The following KLF12 variants were observed in gnomAD, a reference collection of about 807,000 sequenced individuals.
KLF12 encodes the protein KLF transcription factor 12.
Under a neutral mutation model 37.8 loss-of-function variants are expected in KLF12, and 9 were observed. The ratio of observed to expected loss-of-function variants is 0.24; its 90% CI spans 0.14 to 0.42. The LOEUF (loss-of-function observed/expected upper bound fraction) is 0.42. KLF12 is among the 10% of genes least tolerant of loss of function. The pLI, the probability that KLF12 is intolerant of heterozygous loss-of-function variation, is 1.00. For missense variants in KLF12, 411 were observed against 516.0 expected, an observed-to-expected ratio of 0.80 and a Z score of 1.97; for synonymous variants, 208 against 202.1, an observed-to-expected ratio of 1.03 and a Z score of -0.25.
At chr13:74,170,221 A>C in the KLF12 span, among the ~76,000 whole-genome samples, 4 of 152,368 alleles carry the variant, frequency 2.6e-5, no homozygotes, top group East Asian at 7.7e-4. Flanking sequence ...TATTATAAAA[A>C]TGGTTTTCAT....
chr13:74,201,640 C>T, the KLF12 span, among the ~76,000 whole-genome samples: 1 of 152,124 alleles, frequency 6.6e-6, no homozygotes, highest in African/African-American at 2.4e-5. Flanking sequence ...ACCTGCCTCT[C>T]ATTCTACTCT....
chr13:73,964,606 TAAAA>T (rs71115627), intron 2 of KLF12, among the ~76,000 whole-genome samples: 1 of 137,384 alleles, frequency 7.3e-6, no homozygotes. Flanking sequence ...CGTCTCTACT[TAAAA>T]AAAAAAAAAA....
At chr13:74,246,900 A>G in the KLF12 span, among the ~76,000 whole-genome samples, 1 of 152,218 alleles carries the variant, frequency 6.6e-6, no homozygotes, top group Non-Finnish European at 1.5e-5. Flanking sequence ...GGAGTTAATT[A>G]CTTATGGTGA....
intron 1 of KLF12, among the ~76,000 whole-genome samples, chr13:74,071,432 A>G (rs1040012291): frequency 3.9e-5 from 6 of 152,154 alleles, no homozygotes; most frequent in African/African-American, 1.4e-4. Flanking sequence ...TCCACCTGTC[A>G]TCCCAGCACT....
chr13:74,138,071 A>T (rs1016358319), upstream of KLF12, among the ~76,000 whole-genome samples: 3 of 152,230 alleles, frequency 2.0e-5, no homozygotes, highest in Non-Finnish European at 2.9e-5. Flanking sequence ...AATCTTTTAC[A>T]GTATTAAGAG....
At chr13:74,153,870 G>T in the KLF12 span, among the ~76,000 whole-genome samples, 1 of 152,068 alleles carries the variant, frequency 6.6e-6, no homozygotes, top group East Asian at 1.9e-4. Context: ...TTACTTTCAA[G>T]TTTAAGTGAA....
the KLF12 span, among the ~76,000 whole-genome samples, chr13:74,296,749 G>A: frequency 1.3e-5 from 2 of 152,124 alleles, no homozygotes; most frequent in Admixed American, 6.5e-5. Context: ...AATCACATAA[G>A]AGAGCTTATT....
the KLF12 span, among the ~76,000 whole-genome samples, chr13:74,151,282 A>AT: frequency 6.6e-6 from 1 of 152,194 alleles, no homozygotes; most frequent in African/African-American, 2.4e-5. Context: ...TTAAAACTAT[A>AT]ATTACAACTA....
chr13:74,278,052 T>A, the KLF12 span, among the ~76,000 whole-genome samples: 1 of 152,178 alleles, frequency 6.6e-6, no homozygotes, highest in Admixed American at 6.5e-5. Context: ...TGGGTGGTGC[T>A]GTTCTCTGGT....
the KLF12 span, among the ~76,000 whole-genome samples, chr13:74,289,665 A>G: frequency 6.6e-6 from 1 of 152,212 alleles, no homozygotes; most frequent in Admixed American, 6.5e-5. Flanking sequence ...CCAAACAGGA[A>G]ATGACCAAGG....
intron 1 of KLF12, among the ~76,000 whole-genome samples, chr13:74,112,391 T>TGTGTGTGTGC (rs1390469885): frequency 1.2e-4 from 12 of 103,966 alleles, no homozygotes; most frequent in African/African-American, 4.9e-4. Context: ...ATATTGTCTG[T>TGTGTGTGTGC]GTGTGTGTGT....
At chr13:73,967,146 C>T in intron 2 of KLF12, among the ~76,000 whole-genome samples, 1 of 152,154 alleles carries the variant, frequency 6.6e-6, no homozygotes, top group East Asian at 1.9e-4. Flanking sequence ...GCATCTTTGA[C>T]TTGGGAATCT....
chr13:73,822,139 CAAGT>C (rs935573106), intron 4 of KLF12, among the ~76,000 whole-genome samples: 1 of 152,174 alleles, frequency 6.6e-6, no homozygotes, highest in African/African-American at 2.4e-5. Flanking sequence ...TATAATGATG[CAAGT>C]GTCTAGCTCA....
At chr13:73,922,530 T>C (rs911372378) in intron 3 of KLF12, among the ~76,000 whole-genome samples, 11 of 152,168 alleles carry the variant, frequency 7.2e-5, no homozygotes, top group Non-Finnish European at 1.3e-4. Flanking sequence ...ATTAATTTTG[T>C]TTTGTTGGGG....
At chr13:74,187,928 T>C in the KLF12 span, among the ~76,000 whole-genome samples, 14 of 152,164 alleles carry the variant, frequency 9.2e-5, no homozygotes, top group Admixed American at 2.6e-4. Context: ...AAATAGTTAT[T>C]TAACATTGTT....
chr13:73,956,601 C>G (rs998950534), intron 2 of KLF12, among the ~76,000 whole-genome samples: 2 of 152,106 alleles, frequency 1.3e-5, no homozygotes, highest in African/African-American at 4.8e-5. Flanking sequence ...TTTATAATTG[C>G]TGATTCTATG....
chr13:74,120,466 C>A (rs969977754), intron 1 of KLF12, among the ~76,000 whole-genome samples: 1 of 151,022 alleles, frequency 6.6e-6, no homozygotes, highest in African/African-American at 2.4e-5. Flanking sequence ...GGTGGCAGAG[C>A]GAGACTGTCT....
At chr13:74,012,890 C>A (rs1013484246) in intron 1 of KLF12, among the ~76,000 whole-genome samples, 1 of 152,124 alleles carries the variant, frequency 6.6e-6, no homozygotes, top group Admixed American at 6.5e-5. Flanking sequence ...AAATATATGA[C>A]CTCTACTAAC....
At chr13:74,196,708 C>T in the KLF12 span, among the ~76,000 whole-genome samples, 1 of 152,126 alleles carries the variant, frequency 6.6e-6, no homozygotes, top group Non-Finnish European at 1.5e-5. Flanking sequence ...AGTTTTCCTA[C>T]ATTCTGTTGA....
Sources: allele counts gnomAD v4.1 joint callset (sites outside exome capture counted in the v4.1 genomes callset), GRCh38; gene constraint gnomAD v4.1.1; transcripts MANE v1.5; gene names NCBI Gene and HGNC (gene_info 2026-07-23, HGNC 2026-07-21).